The following MAP3K5 variants were observed in gnomAD, a reference collection of about 807,000 sequenced individuals.
MAP3K5 encodes the protein mitogen-activated protein kinase kinase kinase 5.
MAP3K5 carries 56 observed loss-of-function variants against 158.7 expected under a neutral mutation model. The ratio of observed to expected loss-of-function variants is 0.35; its 90% CI spans 0.28 to 0.44. MAP3K5 has a LOEUF of 0.44. Among genes scored for constraint, MAP3K5 ranks in the 20% least tolerant of loss-of-function variants. MAP3K5 has a pLI of 1.00. For synonymous variants in MAP3K5, 579 were observed against 601.7 expected (o/e 0.96, Z 0.55); for missense variants, 1,294 against 1,674.8 (o/e 0.77, Z 3.97).
At chr6:136,783,027 G>A (rs77128829) in intron 1 of MAP3K5, among the ~76,000 whole-genome samples, 2,273 of 152,258 alleles carry the variant, frequency 0.015, 68 homozygotes, top group African/African-American at 0.051. Flanking sequence ...AACTAGGCTA[G>A]GCGCAGTGGC....
At chr6:136,737,564 C>G (rs1313096213) in intron 1 of MAP3K5, among the ~76,000 whole-genome samples, 1 of 152,182 alleles carries the variant, frequency 6.6e-6, no homozygotes, top group African/African-American at 2.4e-5. Flanking sequence ...CCAAGGAGCC[C>G]TTTGACGGCT....
chr6:136,692,657 T>C (rs565319489), intron 7 of MAP3K5, among the ~76,000 whole-genome samples: 6 of 152,236 alleles, frequency 3.9e-5, no homozygotes, highest in Non-Finnish European at 8.8e-5. Context: ...CAAAAGCTAC[T>C]ACTTTGATGA....
At chr6:136,648,436 G>C (rs889727116) in intron 11 of MAP3K5, among the ~76,000 whole-genome samples, 5 of 152,158 alleles carry the variant, frequency 3.3e-5, no homozygotes, top group African/African-American at 4.8e-5. Flanking sequence ...ATTGGAGAAA[G>C]ACCACAGTTC....
At chr6:136,738,964 ACACC>A (rs1782596841) in intron 1 of MAP3K5, among the ~76,000 whole-genome samples, 1 of 144,100 alleles carries the variant, frequency 6.9e-6, no homozygotes, top group African/African-American at 2.5e-5. Flanking sequence ...ACACACACAC[ACACC>A]CATGCACACT....
At chr6:136,597,767 G>A (rs1046939991) in intron 21 of MAP3K5, among the ~76,000 whole-genome samples, 1 of 152,188 alleles carries the variant, frequency 6.6e-6, no homozygotes, top group African/African-American at 2.4e-5. Flanking sequence ...AAATGTTATG[G>A]AATAAATCTT....
rs781330722 is a variant in MAP3K5 at position 136,592,156 on chromosome 6, C to G, written c.3225+17G>C. ...TATGTAACCTTTGGGAAATGAAGCA[C>G]CTGGGAGAGGATTTACCTGAGCTAA... On this transcript the variant is annotated intron_variant, in intron 23 of 29. Coordinates refer to ENST00000359015, the MANE Select transcript of MAP3K5 (RefSeq NM_005923.4). The G allele has an allele frequency of 1.4e-5, 21 of 1,551,546 alleles. No homozygotes were observed. Among genetic ancestry groups the G allele is most frequent in the Non-Finnish European group, 1.3e-5 (15 of 1,150,156 alleles).
At chr6:136,790,288 G>A (rs1398941514) in intron 1 of MAP3K5, among the ~76,000 whole-genome samples, 1 of 151,882 alleles carries the variant, frequency 6.6e-6, no homozygotes, top group East Asian at 1.9e-4. Context: ...TAGAGCCCTA[G>A]GAAAAAAACG....
chr6:136,654,776 T>C (rs187964367), intron 10 of MAP3K5, among the ~76,000 whole-genome samples: 1,714 of 149,384 alleles, frequency 0.011, 40 homozygotes, highest in African/African-American at 0.039. Flanking sequence ...TATCACTTTA[T>C]AGGATTTTTT....
intron 20 of MAP3K5, 94 bp downstream of exon 20, chr6:136,601,708 G>T: frequency 9.0e-7 from 1 of 1,111,060 alleles, no homozygotes; most frequent in Non-Finnish European, 1.3e-6. Context: ...AGTGATATCT[G>T]TAAACAGGTT....
rs569241561 is a variant in MAP3K5 at position 136,787,449 on chromosome 6, AT to A, written c.448+4260del. 2.8e-3 allele frequency among the ~76,000 whole-genome samples: 434 copies of A among 152,354 alleles called. 1 individual carries two copies. Among genetic ancestry groups the A allele is most frequent in the Non-Finnish European group, 4.5e-3 (303 of 68,042 alleles). ...ATTCATTTGTCTTAATAATGCTGTC[AT>A]TTTAAAGTACAGAATTTGAGAGCTG... is the stretch of plus-strand genomic sequence containing the variant. On this transcript the variant is annotated intron_variant, in intron 1 of 29. Coordinates refer to ENST00000359015, the MANE Select transcript of MAP3K5 (RefSeq NM_005923.4).
chr6:136,738,010 C>A (rs1343986356), intron 1 of MAP3K5, among the ~76,000 whole-genome samples: 1 of 152,058 alleles, frequency 6.6e-6, no homozygotes, highest in African/African-American at 2.4e-5. Flanking sequence ...TTCTTTTTAC[C>A]AGAAAAAATT....
intron 18 of MAP3K5, 137 bp downstream of exon 18, chr6:136,611,135 GAAAGAAAAGA>G (rs1280383797): frequency 8.1e-5 from 12 of 148,778 alleles, no homozygotes; most frequent in South Asian, 5.5e-4. Context: ...AAAAAAAAAA[GAAAGAAAAGA>G]AAAGAAAAGA....
chr6:136,647,472 C>T (rs936380155), intron 11 of MAP3K5, among the ~76,000 whole-genome samples: 3 of 152,226 alleles, frequency 2.0e-5, no homozygotes, highest in Non-Finnish European at 4.4e-5. Flanking sequence ...TCATAATTCA[C>T]ATTCTGTTCT....
chr6:136,740,424 C>T (rs1054846094), intron 1 of MAP3K5, among the ~76,000 whole-genome samples: 1 of 152,094 alleles, frequency 6.6e-6, no homozygotes, highest in African/African-American at 2.4e-5. Context: ...ATTCATGTCA[C>T]GTCAAGTTTC....
chr6:136,720,081 T>C (rs1450946259), intron 2 of MAP3K5, among the ~76,000 whole-genome samples: 25 of 152,212 alleles, frequency 1.6e-4, no homozygotes, highest in Non-Finnish European at 1.5e-5. Context: ...AAGTAGGAAG[T>C]GTACTTTTAG....
At position 136,578,152 on chromosome 6, in the gene MAP3K5, C is replaced by G. The variant is rs115460290; in HGVS notation, c.3517+2149G>C. ...ATATCTAACCTCTCTATAGCACATT[C>G]CCTACAACCAGCCTTATCCTAATGA... On this transcript the variant is annotated intron_variant, in intron 25 of 29. Transcript: ENST00000359015. 2.3e-3 allele frequency among the ~76,000 whole-genome samples: 356 copies of G among 152,258 alleles called. 4 individuals are homozygous for G. The highest frequency in any genetic ancestry group is 7.4e-3 in the African/African-American group (307 of 41,532).
intron 11 of MAP3K5, among the ~76,000 whole-genome samples, chr6:136,644,312 T>C (rs1778136548): frequency 6.6e-6 from 1 of 152,158 alleles, no homozygotes; most frequent in African/African-American, 2.4e-5. Flanking sequence ...CCTCCCCACC[T>C]ACCTGTAGGA....
intron 2 of MAP3K5, among the ~76,000 whole-genome samples, chr6:136,719,471 A>G (rs28564116): frequency 6.6e-6 from 1 of 152,216 alleles, no homozygotes; most frequent in Non-Finnish European, 1.5e-5. Flanking sequence ...TATTCTGGAA[A>G]GGGATATACC....
chr6:136,752,310 G>A (rs1582641248), intron 1 of MAP3K5, among the ~76,000 whole-genome samples: 1 of 151,490 alleles, frequency 6.6e-6, no homozygotes, highest in African/African-American at 2.4e-5. Context: ...AACAGGGATG[G>A]TGCCGAGGAA....
Sources: gnomAD v4.1 joint callset for allele counts (sites outside exome capture counted in the v4.1 genomes callset) on GRCh38, gnomAD v4.1.1 for gene constraint, MANE v1.5 for transcripts, NCBI Gene and HGNC (gene_info 2026-07-23, HGNC 2026-07-21) for gene names.